Variants in TTLL11 observed in about 807,000 individuals in gnomAD.
The protein encoded by TTLL11 is tubulin tyrosine ligase like 11, also known as tubulin polyglutamylase TTLL11.
Under a neutral mutation model 51.7 loss-of-function variants are expected in TTLL11, and 42 were observed. That is an observed-to-expected ratio of 0.81 (90% CI 0.64 to 1.05). The LOEUF is 1.05. Ranked by LOEUF, TTLL11 falls within the 50% of genes least tolerant of loss-of-function variation. TTLL11 has a pLI of 0.00. For synonymous variants in TTLL11, 381 were observed against 383.5 expected, an observed-to-expected ratio of 0.99 and a Z score of 0.08; for missense variants, 799 against 940.4, an observed-to-expected ratio of 0.85 and a Z score of 1.97.
intron 7 of TTLL11, among the ~76,000 whole-genome samples, chr9:121,868,993 C>A (rs35090211): frequency 0.098 from 14,902 of 152,272 alleles, 1,038 homozygotes; most frequent in Non-Finnish European, 0.15. Flanking sequence ...TCCCATTTTG[C>A]AGATGAGAGA....
intron 1 of TTLL11, among the ~76,000 whole-genome samples, chr9:122,085,287 A>G (rs1484622205): frequency 6.6e-6 from 1 of 152,150 alleles, no homozygotes; most frequent in African/African-American, 2.4e-5. Flanking sequence ...ACAAAGTATG[A>G]CATAGGCACC....
intron 1 of TTLL11, among the ~76,000 whole-genome samples, chr9:122,053,185 T>C (rs977285007): frequency 6.6e-6 from 1 of 151,670 alleles, no homozygotes; most frequent in African/African-American, 2.4e-5. Context: ...CGGGTCGGGG[T>C]AGAGGCAGAT....
At chr9:121,936,150 G>A (rs1326104456) in intron 6 of TTLL11, among the ~76,000 whole-genome samples, 1 of 152,194 alleles carries the variant, frequency 6.6e-6, no homozygotes, top group Non-Finnish European at 1.5e-5. Context: ...ATGGTGGAGT[G>A]TGAGAAGAGA....
At chr9:121,827,498 C>T (rs1301347329) in intron 8 of TTLL11, among the ~76,000 whole-genome samples, 1 of 152,164 alleles carries the variant, frequency 6.6e-6, no homozygotes, top group Non-Finnish European at 1.5e-5. Flanking sequence ...AACCACATCT[C>T]CCCCTCCAAA....
intron 6 of TTLL11, among the ~76,000 whole-genome samples, chr9:121,964,103 A>C (rs575752398): frequency 1.3e-5 from 2 of 152,188 alleles, no homozygotes; most frequent in East Asian, 3.9e-4. Flanking sequence ...GACTTCATGC[A>C]TTCCAGATAG....
chr9:121,922,143 G>C (rs1229769580), intron 6 of TTLL11, among the ~76,000 whole-genome samples: 2 of 152,176 alleles, frequency 1.3e-5, no homozygotes, highest in Non-Finnish European at 1.5e-5. Context: ...GGTTGAACCA[G>C]CCAAGGAGGG....
At chr9:121,990,870 T>C (rs1843090834) in intron 3 of TTLL11, among the ~76,000 whole-genome samples, 1 of 152,200 alleles carries the variant, frequency 6.6e-6, no homozygotes, top group Non-Finnish European at 1.5e-5. Context: ...CCAGTCCAGA[T>C]AGTCGATCTG....
intron 6 of TTLL11, among the ~76,000 whole-genome samples, chr9:121,968,473 T>A (rs992937539): frequency 6.6e-6 from 1 of 152,248 alleles, no homozygotes; most frequent in Non-Finnish European, 1.5e-5. Context: ...GATTTTAAAC[T>A]AAAAAATCTG....
chr9:122,035,939 T>C (rs556708164), intron 2 of TTLL11, among the ~76,000 whole-genome samples: 4 of 152,266 alleles, frequency 2.6e-5, no homozygotes, highest in East Asian at 3.9e-4. Context: ...TGCCCTTCGA[T>C]GAACGAGTAA....
At chr9:121,887,003 T>G (rs1839034555) in intron 6 of TTLL11, among the ~76,000 whole-genome samples, 1 of 152,062 alleles carries the variant, frequency 6.6e-6, no homozygotes, top group African/African-American at 2.4e-5. Flanking sequence ...GTTGGTGTCC[T>G]TGCGAGGCTG....
chr9:122,040,404 A>G (rs1476384862), intron 1 of TTLL11: 1 of 985,252 alleles, frequency 1.0e-6, no homozygotes, highest in South Asian at 4.7e-5. Flanking sequence ...TTTCCACTAC[A>G]TCCTGTTGCT....
At chr9:121,975,263 T>C (rs1239340321) in intron 4 of TTLL11, among the ~76,000 whole-genome samples, 1 of 152,192 alleles carries the variant, frequency 6.6e-6, no homozygotes, top group Non-Finnish European at 1.5e-5. Flanking sequence ...AGGTTTTTTA[T>C]TATGTTGAGG....
chr9:122,033,771 T>A (rs1393554429), intron 2 of TTLL11, among the ~76,000 whole-genome samples: 1 of 152,152 alleles, frequency 6.6e-6, no homozygotes, highest in Non-Finnish European at 1.5e-5. Context: ...TAGTTGTTGT[T>A]TAGAAGGATG....
At chr9:121,898,228 T>G (rs1014680025) in intron 6 of TTLL11, among the ~76,000 whole-genome samples, 2 of 152,138 alleles carry the variant, frequency 1.3e-5, no homozygotes, top group African/African-American at 4.8e-5. Flanking sequence ...TCTTCCATTC[T>G]TAAAACCTGC....
intron 6 of TTLL11, 141 bp from the exon 7 acceptor site, chr9:121,870,889 T>C: frequency 2.0e-6 from 2 of 985,508 alleles, no homozygotes; most frequent in Admixed American, 3.1e-5. Flanking sequence ...AGAAGTGACC[T>C]GCCCAAGCTC....
chr9:122,038,630 C>T (rs1336917704), intron 2 of TTLL11, among the ~76,000 whole-genome samples: 1 of 152,082 alleles, frequency 6.6e-6, no homozygotes, highest in Non-Finnish European at 1.5e-5. Flanking sequence ...GTATGAGTGA[C>T]CAAGCGAGAC....
chr9:121,901,139 G>C (rs889683821), intron 6 of TTLL11, among the ~76,000 whole-genome samples: 2 of 152,152 alleles, frequency 1.3e-5, no homozygotes, highest in African/African-American at 4.8e-5. Flanking sequence ...CTCTCAGCCA[G>C]GATATTATTG....
Position 121,901,531 on chromosome 9 carries a change from G to T in TTLL11, c.1482-30783C>A, listed in dbSNP as rs527909999. ...CTGTTTTTCAAGTCACACAGATAAT[G>T]TGAATTCCAACTCCAAACTCTTGTG... On this transcript the variant is annotated intron_variant, in intron 6 of 8. Coordinates refer to ENST00000321582, the MANE Select transcript of TTLL11 (RefSeq NM_001139442.2). Among the ~76,000 whole-genome samples the T allele has an allele frequency of 7.9e-5, 12 of 152,218 alleles. 2 individuals are homozygous for T. In the South Asian group the frequency reaches 2.5e-3, roughly 32 times the overall value.
At chr9:121,889,072 T>C in intron 6 of TTLL11, among the ~76,000 whole-genome samples, 1 of 152,216 alleles carries the variant, frequency 6.6e-6, no homozygotes, top group East Asian at 1.9e-4. Context: ...AGCAATAATA[T>C]CTAATACATC....
Sources: gnomAD v4.1 joint callset for allele counts (sites outside exome capture counted in the v4.1 genomes callset) on GRCh38, gnomAD v4.1.1 for gene constraint, MANE v1.5 for transcripts, NCBI Gene and HGNC (gene_info 2026-07-23, HGNC 2026-07-21) for gene names.